NCOR2: variants seen among roughly 807,000 people sequenced by gnomAD.
The protein encoded by NCOR2 is nuclear receptor corepressor 2, also known as CTG repeat protein 26.
A neutral mutation model predicts 262.9 loss-of-function variants in NCOR2; 81 were observed. That is an observed-to-expected ratio of 0.31 (90% CI 0.26 to 0.37). The LOEUF (loss-of-function observed/expected upper bound fraction) is 0.37. Ranked by LOEUF, NCOR2 falls within the 10% of genes least tolerant of loss-of-function variation. The pLI is 1.00. For missense variants in NCOR2, 3,385 were observed against 3,621.4 expected (o/e 0.93, Z 1.68); for synonymous variants, 1,659 against 1,559.3 (o/e 1.06, Z -1.51).
At chr12:124,450,730 C>A (rs998500167) in intron 6 of NCOR2, among the ~76,000 whole-genome samples, 1 of 152,230 alleles carries the variant, frequency 6.6e-6, no homozygotes, top group Non-Finnish European at 1.5e-5. Flanking sequence ...CCAGCTGCCA[C>A]GTGTCCCCTC....
chr12:124,396,715 G>A (rs527596834), intron 16 of NCOR2, among the ~76,000 whole-genome samples: 3 of 152,186 alleles, frequency 2.0e-5, no homozygotes, highest in African/African-American at 2.4e-5. Context: ...CTCTGAGGGC[G>A]AGGGGCAGGG....
chr12:124,357,037 C>A (rs537644577), intron 22 of NCOR2, among the ~76,000 whole-genome samples: 1 of 152,240 alleles, frequency 6.6e-6, no homozygotes, highest in South Asian at 2.1e-4. Context: ...AGGACGAGAA[C>A]GGGACCCTCT....
intron 37 of NCOR2, among the ~76,000 whole-genome samples, chr12:124,339,056 C>CCCAT (rs1387279586): frequency 1.3e-5 from 2 of 149,328 alleles, no homozygotes; most frequent in Non-Finnish European, 3.0e-5. Context: ...CAGCCACCCA[C>CCCAT]CCATCCATCC....
At chr12:124,401,494 G>A (rs2041981756) in intron 14 of NCOR2, among the ~76,000 whole-genome samples, 1 of 152,248 alleles carries the variant, frequency 6.6e-6, no homozygotes. Context: ...TCGCCACAGA[G>A]GAGCTATTTC....
intron 46 of NCOR2, 195 bp downstream of exon 48, chr12:124,325,996 G>C (rs942807531): frequency 1.8e-6 from 1 of 567,426 alleles, no homozygotes; most frequent in Middle Eastern, 4.9e-4. Flanking sequence ...TCCTCTGCCT[G>C]TGCCCCTGGC....
Position 124,457,285 on chromosome 12 carries a change from C to CGGGG in NCOR2, c.706-127_706-124dup. ...CAGTCCAGCATGCTGATCCTCAGCA[C>CGGGG]GGGGGAGGGAGGCCCGGGGCCCCCT... is the stretch of plus-strand genomic sequence containing the variant. On this transcript the variant is annotated intron_variant, in intron 5 of 46. Coordinates refer to ENST00000405201, the Ensembl canonical transcript of NCOR2. The surrounding 1 kb of genome is among the most constrained non-coding windows in gnomAD (Gnocchi z 4.0). 3 of 1,105,474 alleles carry CGGGG rather than the reference C, an allele frequency of 2.7e-6. No individual in the cohort carries two copies. Among genetic ancestry groups the CGGGG allele is most frequent in the Non-Finnish European group, 3.7e-6 (3 of 802,960 alleles). 68.5% of individuals were successfully genotyped at this position (1,105,474 alleles called of 1,614,324 possible).
At chr12:124,339,900 C>CCCCCACCTCCCCTAT in intron 37 of NCOR2, 106 bp downstream of exon 39, 2 of 659,510 alleles carry the variant, frequency 3.0e-6, no homozygotes, top group Non-Finnish European at 4.9e-6. Flanking sequence ...TCTGCCCACC[C>CCCCCACCTCCCCTAT]ACCCACCTCC....
chr12:124,474,444 G>C (rs112589925), intron 3 of NCOR2, among the ~76,000 whole-genome samples: 3 of 152,050 alleles, frequency 2.0e-5, no homozygotes, highest in African/African-American at 7.2e-5. Flanking sequence ...TAACAACAAA[G>C]GAAGCCTGCA....
rs948575827 is a variant in NCOR2 at position 124,504,023 on chromosome 12, C to A, written c.-117-8655G>T. Among the ~76,000 whole-genome samples, 3 of 152,136 alleles carry A rather than the reference C, an allele frequency of 2.0e-5. No homozygotes were observed. Among genetic ancestry groups the A allele is most frequent in the Non-Finnish European group, 4.4e-5 (3 of 68,004 alleles). ...CCCAGCCTGCTGAGTAAGAAGGACC[C>A]TAGGGAAAACTGCCTCCAGTCCCAA... On this transcript the variant is annotated intron_variant, in intron 1 of 46. Coordinates refer to the NCOR2 transcript ENST00000404621. The surrounding 1 kb of genome is among the most constrained non-coding windows in gnomAD (Gnocchi z 4.5).
chr12:124,354,624 A>C (rs1164899390), intron 25 of NCOR2, 42 bp from the exon 28 acceptor site: 1 of 1,469,066 alleles, frequency 6.8e-7, no homozygotes, highest in Non-Finnish European at 9.0e-7. Context: ...CTGCCGGAGC[A>C]GGGTCCCGGG....
At chr12:124,478,880 C>G (rs1658122453) in intron 3 of NCOR2, among the ~76,000 whole-genome samples, 4 of 152,126 alleles carry the variant, frequency 2.6e-5, no homozygotes. Flanking sequence ...GGCAGAGACA[C>G]AGACAGAGAC....
At chr12:124,490,899 G>A (rs1271825821) in intron 1 of NCOR2, among the ~76,000 whole-genome samples, 1 of 152,258 alleles carries the variant, frequency 6.6e-6, no homozygotes, top group Non-Finnish European at 1.5e-5. Flanking sequence ...ACTGGGCCTG[G>A]CTGAGCCCCT....
At chr12:124,530,748 G>A (rs924399372) in intron 1 of NCOR2, among the ~76,000 whole-genome samples, 3 of 152,180 alleles carry the variant, frequency 2.0e-5, no homozygotes, top group African/African-American at 7.2e-5. Flanking sequence ...AAAGCAAGGT[G>A]AGAAATACCA....
exon 32 of NCOR2, chr12:124,344,767 G>A (rs2036776287): frequency 6.5e-7 from 1 of 1,549,384 alleles, no homozygotes; most frequent in African/African-American, 1.4e-5. Context: ...CGAGCTGCTG[G>A]CGGTCCCTGG....
At chr12:124,458,620 T>C (rs1206834742) in intron 5 of NCOR2, among the ~76,000 whole-genome samples, 2 of 152,352 alleles carry the variant, frequency 1.3e-5, no homozygotes, top group Non-Finnish European at 2.9e-5. Flanking sequence ...TCTTAACATG[T>C]CAATTGCGCA....
chr12:124,553,314 T>G (rs1723936488), intron 1 of NCOR2, among the ~76,000 whole-genome samples: 1 of 152,256 alleles, frequency 6.6e-6, no homozygotes, highest in African/African-American at 2.4e-5. Flanking sequence ...TAATTCCATC[T>G]GCCACCTTAA....
chr12:124,460,206 C>T (rs2046093256), intron 5 of NCOR2, among the ~76,000 whole-genome samples: 1 of 152,246 alleles, frequency 6.6e-6, no homozygotes, highest in Admixed American at 6.5e-5. Flanking sequence ...GCTCTGTTCT[C>T]TGCTGCACCC....
chr12:124,347,817 G>GGCT lies in NCOR2; in HGVS notation c.4072+7_4072+8insAGC. On this transcript the variant is annotated splice_region_variant and intron_variant, in intron 30 of 46. Transcript: ENST00000405201. ...GGGGCAACGAGGGAGCAGGGAACAG[G>GGCT]GCAGTACCTTGTGTGATGGACCCGC... 1 of 1,559,222 alleles carries GGCT rather than the reference G, an allele frequency of 6.4e-7. No individual in the cohort carries two copies. The highest frequency in any genetic ancestry group is 1.4e-5 in the African/African-American group (1 of 73,680).
chr12:124,334,532 GC>G lies in NCOR2; in HGVS notation c.6496del (p.Ala2166ProfsTer63). ...GCGGAGGTCCAGGACGGGGCAGCTG[GC>G]CCCAGGGAAGGAGTAGAGGGGGGCG... On this transcript the variant is annotated frameshift_variant, in exon 41 of 47. Transcript: ENST00000405201. LOFTEE classifies it high-confidence loss of function. 7.0e-7 allele frequency: 1 copy of G among 1,431,660 alleles called. No individual in the cohort carries two copies. The highest frequency in any genetic ancestry group is 3.0e-5 in the Admixed American group (1 of 33,248). The allele number at this position is 1,431,660 out of a possible 1,614,324, so 88.7% of individuals were successfully genotyped here.
Sources: allele counts gnomAD v4.1 joint callset (sites outside exome capture counted in the v4.1 genomes callset), GRCh38; gene constraint gnomAD v4.1.1; non-coding constraint Gnocchi (gnomAD v3.1); transcripts MANE v1.5; gene names NCBI Gene and HGNC (gene_info 2026-07-23, HGNC 2026-07-21).